Variants in SPC24 observed in about 807,000 individuals in gnomAD.
SPC24 encodes SPC24 component of NDC80 kinetochore complex, also known as kinetochore protein Spc24.
SPC24 carries 31 observed loss-of-function variants against 27.6 expected under a neutral mutation model. The observed-to-expected ratio is 1.12, with a 90% CI of 0.84 to 1.52. The LOEUF (loss-of-function observed/expected upper bound fraction) is 1.52. Among genes scored for constraint, SPC24 ranks in the 40% most tolerant of loss-of-function variants. SPC24 has a pLI of 0.00. For synonymous variants in SPC24, 105 were observed against 105.8 expected (o/e 0.99, Z 0.05); for missense variants, 284 against 252.5 (o/e 1.12, Z -0.84).
intron 1 of SPC24, among the ~76,000 whole-genome samples, chr19:11,154,963 A>C (rs2077899994): frequency 6.6e-6 from 1 of 152,136 alleles, no homozygotes; most frequent in Non-Finnish European, 1.5e-5. Context: ...AGGCAGGCAG[A>C]TTACCTGAGG....
intron 2 of SPC24, among the ~76,000 whole-genome samples, chr19:11,148,588 C>T (rs372765780): frequency 9.2e-5 from 14 of 151,948 alleles, no homozygotes; most frequent in African/African-American, 3.1e-4. Context: ...CCAAGTAATC[C>T]TCCCACCTCG....
In SPC24 at chr19:11,147,148, C is replaced by T. The variant is rs771083717; in HGVS notation, c.*35G>A. 3.6e-6 allele frequency: 5 copies of T among 1,384,312 alleles called. No individual in the cohort carries two copies. The highest frequency in any genetic ancestry group is 4.0e-6 in the Non-Finnish European group (4 of 1,001,348). The allele number at this position is 1,384,312 out of a possible 1,614,324, so 85.8% of individuals were successfully genotyped here. On this transcript the variant is annotated 3_prime_UTR_variant, in exon 5 of 5. Transcript: ENST00000592540. The stretch of plus-strand genomic sequence containing the variant: ...AAATGGATCTGACCACGGCAGATGC[C>T]CGCTGGGTGCAAGACGCAGCCACGA...
At chr19:11,147,928 A>C in intron 3 of SPC24, 34 bp from the exon 4 acceptor site, 1 of 690,904 alleles carries the variant, frequency 1.4e-6, no homozygotes, top group Non-Finnish European at 2.2e-6. Context: ...AAAAAAAAAA[A>C]AAGAAAGTTA....
chr19:11,148,623 G>T (rs2077847783), intron 2 of SPC24, among the ~76,000 whole-genome samples: 1 of 151,776 alleles, frequency 6.6e-6, no homozygotes. Flanking sequence ...TGAGACTACA[G>T]GTGTGTACCA....
intron 1 of SPC24, among the ~76,000 whole-genome samples, chr19:11,150,284 C>T (rs1397131360): frequency 8.7e-5 from 13 of 149,328 alleles, no homozygotes; most frequent in Non-Finnish European, 1.2e-4. Context: ...GTCAGGAGTT[C>T]GAGACCAGCC....
rs969533244 is a variant in SPC24 at position 11,145,729 on chromosome 19, C to T, written c.*1454G>A. ...GCTGCCAGGGCTCCAGCCATCACAC[C>T]CACATTCCAGGAAATAGGAAGGGGG... On this transcript the variant is annotated 3_prime_UTR_variant, in exon 5 of 5. Transcript: ENST00000592540. 1 of 152,200 alleles carries T rather than the reference C, an allele frequency of 6.6e-6. No homozygotes were observed. Among genetic ancestry groups the T allele is most frequent in the Non-Finnish European group, 1.5e-5 (1 of 68,068 alleles). The allele number at this position is 152,200 out of a possible 1,614,324, so 9.4% of individuals were successfully genotyped here.
chr19:11,147,638 T>C (rs2077836979), intron 4 of SPC24, 180 bp downstream of exon 4: 1 of 622,748 alleles, frequency 1.6e-6, no homozygotes, highest in Non-Finnish European at 2.8e-6. Flanking sequence ...GTCTCACTGA[T>C]ACCCAGGCTG....
intron 1 of SPC24, 119 bp downstream of exon 1, chr19:11,155,498 G>T (rs2077903811): frequency 8.3e-7 from 1 of 1,204,376 alleles, no homozygotes; most frequent in African/African-American, 1.6e-5. Flanking sequence ...GTCCCAGGGG[G>T]CATAGGGCAG....
chr19:11,152,476 TTGAGA>T (rs1227808709), intron 1 of SPC24, among the ~76,000 whole-genome samples: 4 of 152,126 alleles, frequency 2.6e-5, no homozygotes, highest in African/African-American at 9.7e-5. Context: ...TCCCAAAATG[TTGAGA>T]TGAGAGGCGT....
intron 1 of SPC24, among the ~76,000 whole-genome samples, chr19:11,149,752 C>T (rs537678955): frequency 6.6e-6 from 1 of 151,086 alleles, no homozygotes; most frequent in South Asian, 2.1e-4. Flanking sequence ...CTCTTATTGC[C>T]CAGGCTAGAG....
Position 11,155,687 on chromosome 19 carries a change from C to A in SPC24, c.90G>T (p.Leu30=), listed in dbSNP as rs768852244. 1.3e-6 allele frequency: 2 copies of A among 1,563,978 alleles called. No individual in the cohort carries two copies. The highest frequency in any genetic ancestry group is 1.2e-5 in the South Asian group (1 of 86,234). ...CCACCACCTGCTCGTGGCGCCCCAGCAGCCGTCGCTGCTGCGCCTCCGCGC... is the reference window on the plus strand; with the variant it reads ...CCACCACCTGCTCGTGGCGCCCCAGAAGCCGTCGCTGCTGCGCCTCCGCGC... ...ANRAEAQQRR[L]LGRHEQVVER... Residue 30 remains leucine (L), a synonymous_variant, in exon 1 of 5, where the codon CTG becomes CTT. Coordinates refer to ENST00000592540, the MANE Select transcript of SPC24 (RefSeq NM_182513.4).
At chr19:11,148,151 G>C in intron 2 of SPC24, 34 bp from the exon 3 acceptor site, 2 of 1,490,814 alleles carry the variant, frequency 1.3e-6, no homozygotes, top group Non-Finnish European at 1.9e-6. Context: ...CGGCTTTCGA[G>C]AGAGGGCTGC....
Position 11,149,210 on chromosome 19 carries a change from G to C in SPC24, c.189C>G (p.Ala63=). 6.5e-7 allele frequency: 1 copy of C among 1,549,540 alleles called. No homozygotes were observed. Among genetic ancestry groups the C allele is most frequent in the Non-Finnish European group, 8.7e-7 (1 of 1,146,196 alleles). ...REILTMEKEV[A]QSLLNAKEQV... ...GCTCCTTCGCATTGAGAAGGCTCTG[G>C]GCCACTTCCTTCTCCATGGTGAGGA... Residue 63 remains alanine, a synonymous_variant, in exon 2 of 5, where the codon GCC becomes GCG. Transcript: ENST00000592540.
In SPC24 at chr19:11,146,924, C is replaced by G. The variant is rs2077829921; in HGVS notation, c.*259G>C. 1 of 231,138 alleles carries G rather than the reference C, an allele frequency of 4.3e-6. No homozygotes were observed. Among genetic ancestry groups the G allele is most frequent in the Non-Finnish European group, 8.6e-6 (1 of 116,468 alleles). 14.3% of individuals were successfully genotyped at this position (231,138 alleles called of 1,614,324 possible). ...GGTGAAACTCCATCTCTACCAAATA[C>G]AAAAAATTAGCTGGGTGTGGTGGCG... On this transcript the variant is annotated 3_prime_UTR_variant, in exon 5 of 5. Transcript: ENST00000592540.
intron 1 of SPC24, among the ~76,000 whole-genome samples, chr19:11,154,687 C>CT (rs71164158): frequency 0.77 from 117,549 of 151,938 alleles, 45,739 homozygotes; most frequent in African/African-American, 0.83. Flanking sequence ...TACAATTCCT[C>CT]GTAAGGTTCC....
rs1011267799 is a variant in SPC24, at chr19:11,151,755, A to G, written c.161-2517T>C. 6.8e-4 allele frequency among the ~76,000 whole-genome samples: 103 copies of G among 151,368 alleles called. 1 individual carries two copies. Among genetic ancestry groups the G allele is most frequent in the African/African-American group, 7.8e-4 (32 of 41,166 alleles). ...CTCCTGAGTAGCTGGGATTACAGGC[A>G]CCCACCACCACGCCTGGCTAATTTT... On this transcript the variant is annotated intron_variant, in intron 1 of 4. Transcript: ENST00000592540.
At position 11,145,903 on chromosome 19, in the gene SPC24, C is replaced by T. The variant is rs2077820068; in HGVS notation, c.*1280G>A. 1.3e-5 allele frequency: 2 copies of T among 152,258 alleles called. No individual in the cohort carries two copies. Among genetic ancestry groups the T allele is most frequent in the South Asian group, 4.1e-4 (2 of 4,828 alleles). The allele number at this position is 152,258 out of a possible 1,614,324, so 9.4% of individuals were successfully genotyped here. A position where few individuals can be genotyped will look rare whatever the true frequency, so the allele number is the denominator to read the frequency against. ...AAGTGCTAGGATCACAGGCATGAGC[C>T]ACCACACCAGGCCAAATTTTTTAAT... On this transcript the variant is annotated 3_prime_UTR_variant, in exon 5 of 5. Transcript: ENST00000592540.
At position 11,147,108 on chromosome 19, in the gene SPC24, CCCA is replaced by C; in HGVS notation, c.*72_*74del. 1 of 817,228 alleles carries C rather than the reference CCCA, an allele frequency of 1.2e-6. No homozygotes were observed. The highest frequency in any genetic ancestry group is 1.9e-6 in the Non-Finnish European group (1 of 529,016). 50.6% of individuals were successfully genotyped at this position (817,228 alleles called of 1,614,324 possible). A position where few individuals can be genotyped will look rare whatever the true frequency, so the allele number is the denominator to read the frequency against. On this transcript the variant is annotated 3_prime_UTR_variant, in exon 5 of 5. Coordinates refer to ENST00000592540, the MANE Select transcript of SPC24 (RefSeq NM_182513.4). Reference sequence around the variant, plus strand: ...AAAAAAAAAAAAAAAGATCTATGTCCCCACATTTCATTTGAAATGGATCTGACC... The same window carrying C: ...AAAAAAAAAAAAAAAGATCTATGTCCCATTTCATTTGAAATGGATCTGACC...
At chr19:11,153,448 CAAAAAAATA>C (rs1230372773) in intron 1 of SPC24, among the ~76,000 whole-genome samples, 1 of 147,200 alleles carries the variant, frequency 6.8e-6, no homozygotes, top group Non-Finnish European at 1.5e-5. Flanking sequence ...GACTCCATAT[CAAAAAAATA>C]AAAAAAAGAA....
Sources: gnomAD v4.1 joint callset for allele counts (sites outside exome capture counted in the v4.1 genomes callset) on GRCh38, gnomAD v4.1.1 for gene constraint, MANE v1.5 for transcripts, NCBI Gene and HGNC (gene_info 2026-07-23, HGNC 2026-07-21) for gene names.